Variants in MTUS2 observed in about 807,000 individuals in gnomAD.
MTUS2 encodes the protein microtubule associated scaffold protein 2.
MTUS2 carries 40 observed loss-of-function variants against 114.1 expected under a neutral mutation model. That is an observed-to-expected ratio of 0.35 (90% CI 0.27 to 0.46). The LOEUF (loss-of-function observed/expected upper bound fraction) is 0.46. MTUS2 is among the 20% of genes least tolerant of loss of function. The probability of loss-of-function intolerance (pLI) is 1.00; values close to 1 mark genes in which losing one functional copy is unlikely to be tolerated. For missense variants in MTUS2, 1,679 were observed against 1,705.4 expected, an observed-to-expected ratio of 0.98 and a Z score of 0.27; for synonymous variants, 688 against 672.0, an observed-to-expected ratio of 1.02 and a Z score of -0.37.
In MTUS2 at chr13:28,843,582, T is replaced by C. The variant is rs561113840; in HGVS notation, c.-243+3732T>C. ...TTGGTTATTGGGATAAAGGGACTGG[T>C]GGATTCAGTAAATGTCACATGGGCA... On this transcript the variant is annotated intron_variant, in intron 2 of 15. Coordinates refer to ENST00000612955, the MANE Select transcript of MTUS2 (RefSeq NM_001033602.4). Among the ~76,000 whole-genome samples, 3 of 152,332 alleles carry C rather than the reference T, an allele frequency of 2.0e-5. No individual in the cohort carries two copies. The East Asian group carries it at 5.8e-4, about 29-fold the overall frequency.
chr13:28,861,935 A>G (rs1271232633), intron 2 of MTUS2, among the ~76,000 whole-genome samples: 1 of 152,098 alleles, frequency 6.6e-6, no homozygotes, highest in Non-Finnish European at 1.5e-5. Flanking sequence ...TTTTGCTGCA[A>G]TCTTCTACCC....
chr13:29,303,982 T>G (rs1023523566), intron 6 of MTUS2, among the ~76,000 whole-genome samples: 1 of 152,160 alleles, frequency 6.6e-6, no homozygotes, highest in African/African-American at 2.4e-5. Flanking sequence ...AGGCCAATAG[T>G]CAACATTCTT....
chr13:29,128,874 C>G (rs1216680916), intron 5 of MTUS2, among the ~76,000 whole-genome samples: 1 of 152,070 alleles, frequency 6.6e-6, no homozygotes, highest in Non-Finnish European at 1.5e-5. Context: ...TGAACAAAGT[C>G]TAAATGTATT....
intron 4 of MTUS2, among the ~76,000 whole-genome samples, chr13:29,096,290 G>A (rs927665477): frequency 6.6e-6 from 1 of 152,188 alleles, no homozygotes; most frequent in Non-Finnish European, 1.5e-5. Flanking sequence ...CCGGATCTGT[G>A]TTACATTGTC....
intron 5 of MTUS2, among the ~76,000 whole-genome samples, chr13:29,216,422 C>T (rs1298325381): frequency 2.6e-5 from 4 of 152,202 alleles, no homozygotes; most frequent in South Asian, 2.1e-4. Context: ...CACTGGGATA[C>T]GAAAAGAAAC....
intron 7 of MTUS2, among the ~76,000 whole-genome samples, chr13:29,355,039 A>G (rs754440151): frequency 5.9e-5 from 9 of 152,190 alleles, no homozygotes; most frequent in Non-Finnish European, 1.3e-4. Flanking sequence ...TGTTATAAAT[A>G]TTGAGGTTCC....
At position 28,870,571 on chromosome 13, in the gene MTUS2, A is replaced by G. The variant is rs547394201; in HGVS notation, c.-243+30721A>G. Among the ~76,000 whole-genome samples the G allele has an allele frequency of 5.3e-5, 8 of 152,282 alleles. No homozygotes were observed. The South Asian group carries it at 1.7e-3, about 32-fold the overall frequency. On this transcript the variant is annotated intron_variant, in intron 2 of 15. Coordinates refer to ENST00000612955, the MANE Select transcript of MTUS2 (RefSeq NM_001033602.4). ...GGTGGTTAAGCTTGTTGATTAGTTG[A>G]TAATTATTTTGTTTGATTAAATTTG... is the stretch of plus-strand genomic sequence containing the variant.
chr13:28,905,330 G>T (rs1457858587), intron 2 of MTUS2, among the ~76,000 whole-genome samples: 1 of 151,504 alleles, frequency 6.6e-6, no homozygotes, highest in Non-Finnish European at 1.5e-5. Flanking sequence ...CCTGTCTTGT[G>T]CCTCTTTTCG....
chr13:29,260,270 A>AT (rs1405579224), intron 5 of MTUS2, among the ~76,000 whole-genome samples: 1 of 152,082 alleles, frequency 6.6e-6, no homozygotes, highest in East Asian at 1.9e-4. Flanking sequence ...TTTTCAAGAT[A>AT]TTTTTTCTTT....
rs892303575 is a variant in MTUS2, at chr13:28,892,705, A to AT, written c.-243+52856dup. Among the ~76,000 whole-genome samples, 3 of 151,986 alleles carry AT rather than the reference A, an allele frequency of 2.0e-5. No homozygotes were observed. In the South Asian group the frequency reaches 6.2e-4, roughly 32 times the overall value. ...TCCTTCTCATTCTTCTCTTTCCCTT[A>AT]TCTCCTGATTTCTGTAAGAATCTAC... On this transcript the variant is annotated intron_variant, in intron 2 of 15. Coordinates refer to ENST00000612955, the MANE Select transcript of MTUS2 (RefSeq NM_001033602.4).
rs75256414 is a variant in MTUS2 at position 29,141,508 on chromosome 13, A to C, written c.2644+40538A>C. ...GGTTACAGAAGCACATAGGAGCCCC[A>C]GGAGATGGGTCATAGAAGTCTAACC... On this transcript the variant is annotated intron_variant, in intron 5 of 15. Coordinates refer to ENST00000612955, the MANE Select transcript of MTUS2 (RefSeq NM_001033602.4). 5.6e-3 allele frequency among the ~76,000 whole-genome samples: 849 copies of C among 152,294 alleles called. 13 individuals are homozygous for C. Among genetic ancestry groups the C allele is most frequent in the African/African-American group, 0.019 (810 of 41,550 alleles).
intron 5 of MTUS2, among the ~76,000 whole-genome samples, chr13:29,124,598 T>A (rs760137797): frequency 9.2e-5 from 14 of 152,186 alleles, no homozygotes; most frequent in Non-Finnish European, 1.5e-4. Flanking sequence ...CCCAAAAATG[T>A]GAAAGCAGGC....
At chr13:29,367,585 G>A (rs1230066078) in intron 8 of MTUS2, among the ~76,000 whole-genome samples, 1 of 152,066 alleles carries the variant, frequency 6.6e-6, no homozygotes, top group Non-Finnish European at 1.5e-5. Context: ...TAAAAATCCA[G>A]GCAAGAGGTG....
At chr13:28,879,191 A>G (rs1878137110) in intron 2 of MTUS2, among the ~76,000 whole-genome samples, 1 of 151,936 alleles carries the variant, frequency 6.6e-6, no homozygotes, top group Non-Finnish European at 1.5e-5. Flanking sequence ...AATTTGTTTA[A>G]GTTCCTTGTA....
At chr13:29,051,452 T>C (rs1432305782) in intron 4 of MTUS2, among the ~76,000 whole-genome samples, 1 of 152,184 alleles carries the variant, frequency 6.6e-6, no homozygotes, top group African/African-American at 2.4e-5. Flanking sequence ...TCAGGGGTTC[T>C]TGAAGAGGTC....
intron 8 of MTUS2, among the ~76,000 whole-genome samples, chr13:29,381,722 C>T (rs182373217): frequency 6.6e-5 from 10 of 150,820 alleles, no homozygotes; most frequent in Admixed American, 1.3e-4. Context: ...TGCAATGATA[C>T]GATCAAGTGA....
At chr13:29,037,087 G>C (rs1440126224) in intron 4 of MTUS2, among the ~76,000 whole-genome samples, 4 of 152,242 alleles carry the variant, frequency 2.6e-5, no homozygotes, top group African/African-American at 9.6e-5. Context: ...GTTAGTTGAT[G>C]GAGTTTCTTA....
chr13:29,469,702 A>G (rs1001288853), intron 9 of MTUS2, among the ~76,000 whole-genome samples: 1 of 151,394 alleles, frequency 6.6e-6, no homozygotes. Context: ...AGAAATTTGG[A>G]AGGCCAAAGC....
intron 2 of MTUS2, among the ~76,000 whole-genome samples, chr13:28,896,932 C>A (rs1272335672): frequency 6.6e-6 from 1 of 152,104 alleles, no homozygotes; most frequent in Non-Finnish European, 1.5e-5. Flanking sequence ...CATGTTAGAC[C>A]TGAAACCATA....
Sources: allele counts gnomAD v4.1 joint callset (sites outside exome capture counted in the v4.1 genomes callset), GRCh38; gene constraint gnomAD v4.1.1; transcripts MANE v1.5; gene names NCBI Gene and HGNC (gene_info 2026-07-23, HGNC 2026-07-21).